Variants in ARID5B observed in about 807,000 individuals in gnomAD.
The protein encoded by ARID5B is AT-rich interactive domain-containing protein 5B.
In ARID5B, 13 loss-of-function variants were observed where a neutral mutation model predicts 97.2. That is an observed-to-expected ratio of 0.13 (90% CI 0.09 to 0.21). The LOEUF is 0.21. ARID5B is among the 10% of genes least tolerant of loss of function. ARID5B has a pLI of 1.00. For missense variants in ARID5B, 1,210 were observed against 1,465.3 expected (o/e 0.83, Z 2.84); for synonymous variants, 556 against 570.3 (o/e 0.97, Z 0.36).
chr10:61,911,055 G>A (rs7075591), intron 2 of ARID5B, among the ~76,000 whole-genome samples: 41,436 of 151,956 alleles, frequency 0.27, 6,666 homozygotes, highest in Non-Finnish European at 0.36. Flanking sequence ...AAGCACACCC[G>A]GGCTATGAAA....
chr10:62,005,886 A>C (rs1839139499), intron 4 of ARID5B, among the ~76,000 whole-genome samples: 1 of 152,194 alleles, frequency 6.6e-6, no homozygotes, highest in Non-Finnish European at 1.5e-5. Context: ...AGTAGGTTTC[A>C]TGGTCACAGT....
intron 3 of ARID5B, among the ~76,000 whole-genome samples, chr10:61,982,039 T>G (rs941076418): frequency 1.3e-5 from 2 of 152,206 alleles, no homozygotes; most frequent in Non-Finnish European, 2.9e-5. Context: ...TTTAAATCAA[T>G]GTAATGAGAC....
At chr10:62,021,458 AG>A (rs1839355704) in intron 4 of ARID5B, among the ~76,000 whole-genome samples, 1 of 152,232 alleles carries the variant, frequency 6.6e-6, no homozygotes, top group Admixed American at 6.5e-5. Context: ...GAATATATGT[AG>A]CATTTGAATA....
At chr10:62,018,769 C>T (rs1003242889) in intron 4 of ARID5B, among the ~76,000 whole-genome samples, 1 of 152,028 alleles carries the variant, frequency 6.6e-6, no homozygotes, top group Non-Finnish European at 1.5e-5. Flanking sequence ...TGGTCTTCCC[C>T]ATCATATTTA....
chr10:62,035,626 G>A (rs1215374725), intron 4 of ARID5B, among the ~76,000 whole-genome samples: 4 of 152,018 alleles, frequency 2.6e-5, no homozygotes, highest in African/African-American at 4.8e-5. Flanking sequence ...GAGTAGCTGC[G>A]ATCACAGGCG....
At chr10:62,064,746 A>AT (rs35550139) in intron 7 of ARID5B, among the ~76,000 whole-genome samples, 10 of 151,678 alleles carry the variant, frequency 6.6e-5, no homozygotes, top group Admixed American at 3.9e-4. Flanking sequence ...AAGACAATTT[A>AT]TTTTTTTTGT....
chr10:61,902,809 G>C (rs1478846306), intron 2 of ARID5B, among the ~76,000 whole-genome samples: 44 of 151,722 alleles, frequency 2.9e-4, no homozygotes, highest in Non-Finnish European at 5.9e-5. Context: ...TGGCTCGGTC[G>C]TGTCTGGGTG....
intron 2 of ARID5B, among the ~76,000 whole-genome samples, chr10:61,920,957 C>T (rs1369266416): frequency 6.6e-6 from 1 of 152,030 alleles, no homozygotes; most frequent in Non-Finnish European, 1.5e-5. Flanking sequence ...TCTATGGATA[C>T]CCCTCCAAAA....
chr10:62,030,268 T>G (rs1312388704), intron 4 of ARID5B, among the ~76,000 whole-genome samples: 1 of 152,106 alleles, frequency 6.6e-6, no homozygotes, highest in Non-Finnish European at 1.5e-5. Flanking sequence ...TAGCTGGGAT[T>G]ATAGGCACCT....
At chr10:61,927,143 C>T (rs1276466019) in intron 2 of ARID5B, among the ~76,000 whole-genome samples, 6 of 152,176 alleles carry the variant, frequency 3.9e-5, no homozygotes, top group Middle Eastern at 6.8e-3. Flanking sequence ...CATTTGAATC[C>T]CACTTGCCCT....
At chr10:61,971,281 A>C (rs1019169548) in intron 3 of ARID5B, among the ~76,000 whole-genome samples, 12 of 152,230 alleles carry the variant, frequency 7.9e-5, no homozygotes, top group South Asian at 4.1e-4. Context: ...GTGGAGAAGA[A>C]AGAAATTTAA....
chr10:62,004,485 G>A (rs183626839), intron 4 of ARID5B, among the ~76,000 whole-genome samples: 333 of 152,334 alleles, frequency 2.2e-3, no homozygotes, highest in Admixed American at 1.0e-2. Flanking sequence ...CCAATGTGGG[G>A]AAAGTGATGT....
intron 8 of ARID5B, among the ~76,000 whole-genome samples, chr10:62,070,387 A>C (rs1376779929): frequency 6.6e-6 from 1 of 152,236 alleles, no homozygotes; most frequent in Non-Finnish European, 1.5e-5. Context: ...TTGCATCCAC[A>C]GGAGTGGATT....
intron 2 of ARID5B, among the ~76,000 whole-genome samples, chr10:61,903,007 C>T (rs1227931509): frequency 6.6e-6 from 1 of 152,046 alleles, no homozygotes; most frequent in Non-Finnish European, 1.5e-5. Context: ...CAGATCTGCC[C>T]GGGCGGATTT....
chr10:61,957,243 T>G (rs78105401), intron 3 of ARID5B, among the ~76,000 whole-genome samples: 1 of 152,248 alleles, frequency 6.6e-6, no homozygotes, highest in Non-Finnish European at 1.5e-5. Flanking sequence ...AATTTTTTTT[T>G]GTTAAACATA....
At chr10:62,062,269 A>G (rs1006753000) in intron 7 of ARID5B, among the ~76,000 whole-genome samples, 7 of 152,200 alleles carry the variant, frequency 4.6e-5, no homozygotes, top group Non-Finnish European at 5.9e-5. Context: ...ACGAGTGTAG[A>G]CTTGTAGTCA....
At chr10:62,007,153 GGA>G (rs1564626002) in intron 4 of ARID5B, among the ~76,000 whole-genome samples, 1 of 152,124 alleles carries the variant, frequency 6.6e-6, no homozygotes, top group East Asian at 1.9e-4. Flanking sequence ...TAGTGGTGGT[GGA>G]GAGAGATTCA....
intron 2 of ARID5B, among the ~76,000 whole-genome samples, chr10:61,903,826 G>T (rs1459275666): frequency 1.3e-5 from 2 of 151,836 alleles, no homozygotes; most frequent in African/African-American, 2.4e-5. Flanking sequence ...ACTGGAGTTC[G>T]TCGAAACGTT....
At chr10:61,993,810 G>C (rs537191656) in intron 3 of ARID5B, among the ~76,000 whole-genome samples, 1 of 152,280 alleles carries the variant, frequency 6.6e-6, no homozygotes, top group South Asian at 2.1e-4. Flanking sequence ...GTTGCTAGGA[G>C]CACAGTGAAA....
Sources: gnomAD v4.1 joint callset for allele counts (sites outside exome capture counted in the v4.1 genomes callset) on GRCh38, gnomAD v4.1.1 for gene constraint, MANE v1.5 for transcripts, NCBI Gene and HGNC (gene_info 2026-07-23, HGNC 2026-07-21) for gene names.